CDH23: variants seen among roughly 807,000 people sequenced by gnomAD.
CDH23 encodes the protein cadherin-23.
Under a neutral mutation model 317.1 loss-of-function variants are expected in CDH23, and 189 were observed. The observed-to-expected ratio is 0.60, with a 90% confidence interval of 0.53 to 0.67. CDH23 has a LOEUF of 0.67. Ranked by LOEUF, CDH23 falls within the 30% of genes least tolerant of loss-of-function variation. CDH23 has a pLI of 0.00. For missense variants in CDH23, 4,401 were observed against 4,592.4 expected (o/e 0.96, Z 1.20); for synonymous variants, 1,839 against 1,876.8 (o/e 0.98, Z 0.52).
Position 71,812,760 on chromosome 10 carries a change from C to G in CDH23, c.9511-8C>G. 3 of 1,613,192 alleles carry G rather than the reference C, an allele frequency of 1.9e-6. No homozygotes were observed. Among genetic ancestry groups the G allele is most frequent in the Non-Finnish European group, 2.5e-6 (3 of 1,179,536 alleles). On this transcript the variant is annotated splice_polypyrimidine_tract_variant and splice_region_variant and intron_variant, in intron 67 of 69. Coordinates refer to ENST00000224721, the MANE Select transcript of CDH23 (RefSeq NM_022124.6). ...GCCTCTGCTCCAGCTAACATCCCCT[C>G]TCCCCAGGGAACTTTTGGGCGTGAG...
chr10:71,500,808 T>C (rs1312952621), intron 3 of CDH23, among the ~76,000 whole-genome samples: 1 of 145,728 alleles, frequency 6.9e-6, no homozygotes, highest in Non-Finnish European at 1.5e-5. Flanking sequence ...TCTTTTCTTT[T>C]CTTTTCTTTT....
rs74145268 is a variant in CDH23 at position 71,672,173 on chromosome 10, G to A, written c.1450-2939G>A. ...GGTCAGGGAGGGCAGAAGGGTGTGA[G>A]CTAGGCAGGAGAGGGAGGGGCGCTG... On this transcript the variant is annotated intron_variant, in intron 14 of 69. Coordinates refer to ENST00000224721, the MANE Select transcript of CDH23 (RefSeq NM_022124.6). 9.1e-3 allele frequency among the ~76,000 whole-genome samples: 1,392 copies of A among 152,198 alleles called. 24 individuals are homozygous for A. The highest frequency in any genetic ancestry group is 0.032 in the African/African-American group (1,320 of 41,512).
chr10:71,582,170 G>A (rs1858683770), intron 9 of CDH23, among the ~76,000 whole-genome samples: 1 of 152,180 alleles, frequency 6.6e-6, no homozygotes, highest in South Asian at 2.1e-4. Context: ...TTATTTGTTT[G>A]AGCACAGGGC....
In CDH23 at chr10:71,812,363, G is replaced by A. The variant is rs1841962533; in HGVS notation, c.9381-117G>A. 5 of 1,600,784 alleles carry A rather than the reference G, an allele frequency of 3.1e-6. No individual in the cohort carries two copies. The South Asian group carries it at 3.3e-5, about 11-fold the overall frequency. On this transcript the variant is annotated intron_variant, in intron 66 of 69. Coordinates refer to ENST00000224721, the MANE Select transcript of CDH23 (RefSeq NM_022124.6). ...CAGGCACCAGGGCCTCACACCCCAAGTCAGTGAAAGGCACTATATGGCCAG... is the reference window on the plus strand; with the variant it reads ...CAGGCACCAGGGCCTCACACCCCAAATCAGTGAAAGGCACTATATGGCCAG...
At chr10:71,784,487 T>C (rs1232036662) in intron 42 of CDH23, 67 bp downstream of exon 42, 2 of 1,564,976 alleles carry the variant, frequency 1.3e-6, no homozygotes, top group Non-Finnish European at 1.7e-6. Flanking sequence ...GAGATTCTTG[T>C]AAACATTGTT....
chr10:71,399,948 C>T (rs926245949), intron 1 of CDH23, among the ~76,000 whole-genome samples: 5 of 152,046 alleles, frequency 3.3e-5, no homozygotes, highest in Admixed American at 2.0e-4. Flanking sequence ...TCATCTGCCC[C>T]TCCCAGATGG....
intron 9 of CDH23, among the ~76,000 whole-genome samples, chr10:71,581,087 G>C (rs1858595654): frequency 6.6e-6 from 1 of 152,196 alleles, no homozygotes; most frequent in South Asian, 2.1e-4. Context: ...GGTGACATTT[G>C]GTCACAGCCC....
chr10:71,637,194 G>A (rs1862316751), intron 11 of CDH23, among the ~76,000 whole-genome samples: 1 of 152,194 alleles, frequency 6.6e-6, no homozygotes, highest in African/African-American at 2.4e-5. Flanking sequence ...ACTGCTCAAT[G>A]TTATGGATGA....
chr10:71,533,525 C>CCACACACACA (rs55659529), intron 6 of CDH23, among the ~76,000 whole-genome samples: 3,648 of 130,764 alleles, frequency 0.028, 67 homozygotes, highest in East Asian at 0.045. Flanking sequence ...TGGCTGGACA[C>CCACACACACA]CACACACACA....
rs147820110 is a variant in CDH23 at position 71,735,161 on chromosome 10, C to T, written c.4209+503C>T. Among the ~76,000 whole-genome samples the T allele has an allele frequency of 1.9e-3, 296 of 152,328 alleles. 1 individual carries two copies. Among genetic ancestry groups the T allele is most frequent in the Middle Eastern group, 6.8e-3 (2 of 294 alleles). The stretch of plus-strand genomic sequence containing the variant: ...GGGCTCTGTCCTGATGCCTCAGCTG[C>T]TGCATCCATAAAGGGGACCCCCTCC... On this transcript the variant is annotated intron_variant, in intron 34 of 69. Transcript: ENST00000224721.
At chr10:71,688,134 G>A (rs1448766213) in intron 19 of CDH23, among the ~76,000 whole-genome samples, 1 of 152,208 alleles carries the variant, frequency 6.6e-6, no homozygotes, top group Non-Finnish European at 1.5e-5. Flanking sequence ...GTGTTCCTAT[G>A]TGAGGATGCG....
chr10:71,656,744 G>A (rs1863433835), intron 14 of CDH23, among the ~76,000 whole-genome samples: 1 of 152,156 alleles, frequency 6.6e-6, no homozygotes, highest in Non-Finnish European at 1.5e-5. Context: ...TAGCCCAGGT[G>A]AGGGATGCAG....
At chr10:71,450,736 C>G (rs11597762) in intron 3 of CDH23, among the ~76,000 whole-genome samples, 15,531 of 152,136 alleles carry the variant, frequency 0.1, 889 homozygotes, top group Middle Eastern at 0.16. Flanking sequence ...GCTGGTTCCT[C>G]CCGCACCTCT....
chr10:71,453,352 C>T (rs577025116), intron 3 of CDH23, among the ~76,000 whole-genome samples: 12 of 152,348 alleles, frequency 7.9e-5, no homozygotes, highest in Non-Finnish European at 1.5e-4. Flanking sequence ...GGGCTGACCC[C>T]GCATCGGCAG....
rs2132733177 is a variant in CDH23 at position 71,702,631 on chromosome 10, T to C, written c.2670T>C (p.Phe890=). The change falls in exon 24 of 70, where the codon TTT becomes TTC. Residue 890 remains phenylalanine, a synonymous_variant. Transcript: ENST00000224721. ...LLDLNDNDPT[F]QNLPFVAEVL... is the part of the protein sequence containing the mutation. ...ATCTCAATGACAATGACCCCACCTTTCAGAACCTGCCTTTTGTGGCCGAGG... is the reference window on the plus strand; with the variant it reads ...ATCTCAATGACAATGACCCCACCTTCCAGAACCTGCCTTTTGTGGCCGAGG... 9.9e-6 allele frequency: 16 copies of C among 1,613,936 alleles called. No individual in the cohort carries two copies. Among genetic ancestry groups the C allele is most frequent in the Non-Finnish European group, 1.3e-5 (15 of 1,179,888 alleles).
chr10:71,788,985 C>A lies in CDH23; in HGVS notation c.5866C>A (p.His1956Asn). The A allele has an allele frequency of 2.5e-6, 4 of 1,606,510 alleles. No individual in the cohort carries two copies. Among genetic ancestry groups the A allele is most frequent in the Non-Finnish European group, 3.4e-6 (4 of 1,173,102 alleles). ...CTTCCTTTCTGATGAGAATGACAACCACCCCCTCTTCACTAAAAGCACCTA... is the reference window on the plus strand; with the variant it reads ...CTTCCTTTCTGATGAGAATGACAACAACCCCCTCTTCACTAAAAGCACCTA... ...LIFLSDENDN[H>N]PLFTKSTYQA... The change falls in exon 45 of 70, where the codon CAC (histidine) becomes AAC (asparagine). Residue 1956 changes from histidine (H) to asparagine (N), a missense_variant. Physicochemically the swap from His to Asn is moderately conservative, Grantham distance 68 (BLOSUM62 1). This residue lies in a region of CDH23 where 3,068 missense variants were observed against 3,203.3 expected (regional missense o/e 0.96). Transcript: ENST00000224721.
chr10:71,441,666 G>A (rs1025661800), intron 2 of CDH23, among the ~76,000 whole-genome samples: 5 of 151,910 alleles, frequency 3.3e-5, no homozygotes, highest in Non-Finnish European at 7.4e-5. Context: ...AGGTTGCAGT[G>A]AGCCGAGATT....
chr10:71,814,738 A>T (rs982368691), intron 69 of CDH23, among the ~76,000 whole-genome samples: 1 of 151,918 alleles, frequency 6.6e-6, no homozygotes, highest in Non-Finnish European at 1.5e-5. Flanking sequence ...ACACACACAG[A>T]TTTTCACAAG....
intron 3 of CDH23, among the ~76,000 whole-genome samples, chr10:71,465,612 C>T (rs1327889494): frequency 1.3e-5 from 2 of 152,202 alleles, no homozygotes; most frequent in African/African-American, 4.8e-5. Context: ...CCAGAGCAGC[C>T]CTGCTGGCCG....
Sources: gnomAD v4.1 joint callset for allele counts (sites outside exome capture counted in the v4.1 genomes callset) on GRCh38, gnomAD v4.1.1 for gene constraint, gnomAD v4.1.1 regional missense constraint, MANE v1.5 for transcripts, NCBI Gene and HGNC (gene_info 2026-07-23, HGNC 2026-07-21) for gene names.